The following RETREG3 variants were observed in gnomAD, a reference collection of about 807,000 sequenced individuals.
RETREG3 encodes the protein reticulophagy regulator family member 3.
A neutral mutation model predicts 50.2 loss-of-function variants in RETREG3; 23 were observed. The ratio of observed to expected loss-of-function variants is 0.46; its 90% confidence interval spans 0.33 to 0.65. The LOEUF (loss-of-function observed/expected upper bound fraction) is 0.65. Ranked by LOEUF, RETREG3 falls within the 30% of genes least tolerant of loss-of-function variation. The pLI, the probability that RETREG3 is intolerant of heterozygous loss-of-function variation, is 0.02. For missense variants in RETREG3, 546 were observed against 598.0 expected (o/e 0.91, Z 0.91); for synonymous variants, 240 against 234.4 (o/e 1.02, Z -0.22).
At position 42,581,048 on chromosome 17, in the gene RETREG3, A is replaced by AAAAG. The variant is rs1555628228; in HGVS notation, c.*764_*765insCTTT. The stretch of plus-strand genomic sequence containing the variant: ...AGAGAGACTCTGTCTCAAAAAAAAA[A>AAAAG]AAAAGAAAAGAAAAGAAAAGAAAAA... On this transcript the variant is annotated 3_prime_UTR_variant, in exon 9 of 9. Coordinates refer to ENST00000309428, the MANE Select transcript of RETREG3 (RefSeq NM_178126.4). 0.013 allele frequency: 1,498 copies of AAAAG among 117,876 alleles called. 40 individuals are homozygous for AAAAG. Among genetic ancestry groups the AAAAG allele is most frequent in the African/African-American group, 0.047 (1,412 of 30,312 alleles). The allele number at this position is 117,876 out of a possible 1,614,324, so 7.3% of individuals were successfully genotyped here.
chr17:42,596,449 G>T (rs1325055974), intron 1 of RETREG3: 1 of 141,210 alleles, frequency 7.1e-6, no homozygotes, highest in Non-Finnish European at 1.5e-5. Context: ...TTATCTGCTT[G>T]TGAGTTTTTT....
Position 42,582,192 on chromosome 17 carries a change from G to C in RETREG3, c.1022C>G (p.Ala341Gly). 1 of 1,613,856 alleles carries C rather than the reference G, an allele frequency of 6.2e-7. No individual in the cohort carries two copies. The highest frequency in any genetic ancestry group is 1.3e-5 in the African/African-American group (1 of 75,020). ...PDFPSINMDP[A>G]GLDDEDDTSI... The stretch of plus-strand genomic sequence containing the variant: ...AGTGTCGTCCTCATCATCCAGGCCA[G>C]CAGGATCCATATTAATGGAAGGGAA... The change falls in exon 9 of 9, where the codon GCT becomes GGT. Residue 341 changes from alanine to glycine, a missense_variant. Physicochemically the swap from Ala to Gly is moderately conservative, Grantham distance 60. Transcript: ENST00000309428.
chr17:42,605,069 A>C (rs1395507166), intron 1 of RETREG3, among the ~76,000 whole-genome samples: 1 of 151,886 alleles, frequency 6.6e-6, no homozygotes, highest in East Asian at 1.9e-4. Context: ...TATGGCCACC[A>C]TAAATTCTCT....
At chr17:42,601,748 T>C (rs985014823) in intron 1 of RETREG3, among the ~76,000 whole-genome samples, 3 of 142,668 alleles carry the variant, frequency 2.1e-5, no homozygotes, top group Non-Finnish European at 4.5e-5. Context: ...TTCTCCTGCC[T>C]CAGCCTCCCA....
chr17:42,606,186 T>A (rs1467244455), intron 1 of RETREG3, among the ~76,000 whole-genome samples: 1 of 152,038 alleles, frequency 6.6e-6, no homozygotes, highest in African/African-American at 2.4e-5. Context: ...GGGTTCTAAG[T>A]GAGCCTCTAA....
At chr17:42,596,271 C>T (rs1056816553) in intron 1 of RETREG3, among the ~76,000 whole-genome samples, 1 of 141,588 alleles carries the variant, frequency 7.1e-6, no homozygotes, top group Non-Finnish European at 1.5e-5. Context: ...ACTCAGGAGG[C>T]TTGCTTGAGC....
intron 1 of RETREG3, among the ~76,000 whole-genome samples, chr17:42,594,795 G>A (rs944161387): frequency 6.6e-6 from 1 of 151,766 alleles, no homozygotes; most frequent in African/African-American, 2.4e-5. Flanking sequence ...AGCTTGCAGT[G>A]AGCTGAGATT....
chr17:42,581,629 C>G lies in RETREG3; in HGVS notation c.*184G>C, dbSNP rs921431335. On this transcript the variant is annotated 3_prime_UTR_variant, in exon 9 of 9. Coordinates refer to ENST00000309428, the MANE Select transcript of RETREG3 (RefSeq NM_178126.4). ...TTCAGTGACTGAGCTCAGAAATGGG[C>G]ATCCAGCTGGTGGGAGGGGAGTGAG... 5.3e-6 allele frequency: 3 copies of G among 564,190 alleles called. No homozygotes were observed. The East Asian group carries it at 8.8e-5, about 17-fold the overall frequency. 34.9% of individuals were successfully genotyped at this position (564,190 alleles called of 1,614,324 possible).
intron 1 of RETREG3, among the ~76,000 whole-genome samples, chr17:42,597,521 GTGTATATA>G: frequency 1.5e-5 from 1 of 65,278 alleles, no homozygotes; most frequent in African/African-American, 5.6e-5. Context: ...GTGTGTGTGT[GTGTATATA>G]TATATATATA....
At chr17:42,594,193 A>G (rs2143398138) in intron 1 of RETREG3, among the ~76,000 whole-genome samples, 1 of 152,152 alleles carries the variant, frequency 6.6e-6, no homozygotes, top group African/African-American at 2.4e-5. Context: ...CTGGTCTCAA[A>G]AAAACAAATA....
intron 4 of RETREG3, 63 bp from the exon 5 acceptor site, chr17:42,586,200 AG>A: frequency 6.7e-7 from 1 of 1,494,292 alleles, no homozygotes; most frequent in Non-Finnish European, 9.3e-7. Context: ...GTGGGTGTGA[AG>A]GGTTAGGGTA....
intron 5 of RETREG3, 69 bp downstream of exon 5, chr17:42,585,984 T>A: frequency 6.9e-7 from 1 of 1,441,870 alleles, no homozygotes; most frequent in South Asian, 1.1e-5. Context: ...TCCCCACACC[T>A]AGAGTTAGCC....
In RETREG3 at chr17:42,586,241, A is replaced by C. The variant is rs2093121050; in HGVS notation, c.505-104T>G. On this transcript the variant is annotated intron_variant, in intron 4 of 8. Transcript: ENST00000309428. ...TATGACAGAAAGACTCTGTAAGTCA[A>C]GCATGGACGTGCAGCCACTGTTGCA... is the stretch of plus-strand genomic sequence containing the variant. 2.6e-5 allele frequency: 27 copies of C among 1,031,892 alleles called. 1 individual carries two copies. In the South Asian group the frequency reaches 3.1e-4, roughly 12 times the overall value. The allele number at this position is 1,031,892 out of a possible 1,614,324, so 63.9% of individuals were successfully genotyped here. A position where few individuals can be genotyped will look rare whatever the true frequency, so the allele number is the denominator to read the frequency against.
At chr17:42,608,895 G>A (rs906651045) in intron 1 of RETREG3, 191 bp downstream of exon 1, 6 of 599,758 alleles carry the variant, frequency 1.0e-5, no homozygotes, top group Non-Finnish European at 1.7e-5. Context: ...GAGAAGATGG[G>A]TGGACGGCCC....
intron 8 of RETREG3, 91 bp downstream of exon 8, chr17:42,582,581 GGA>G (rs1234618308): frequency 6.5e-7 from 1 of 1,546,484 alleles, no homozygotes; most frequent in Non-Finnish European, 8.8e-7. Context: ...TCAGAAAACA[GGA>G]GAGGGGCAAG....
chr17:42,608,909 GAAGAA>G (rs895155114), intron 1 of RETREG3, 172 bp downstream of exon 1: 5 of 631,518 alleles, frequency 7.9e-6, no homozygotes, highest in African/African-American at 1.8e-5. Flanking sequence ...ACGGCCCTGG[GAAGAA>G]CTAGGGTGCC....
At chr17:42,597,950 A>T (rs1359472334) in intron 1 of RETREG3, among the ~76,000 whole-genome samples, 1 of 144,378 alleles carries the variant, frequency 6.9e-6, no homozygotes, top group Non-Finnish European at 1.5e-5. Flanking sequence ...ATTTTATACC[A>T]CAAAGAAAAC....
At position 42,595,785 on chromosome 17, in the gene RETREG3, T is replaced by C. The variant is rs547113453; in HGVS notation, c.240-3623A>G. On this transcript the variant is annotated intron_variant, in intron 1 of 8. Coordinates refer to ENST00000309428, the MANE Select transcript of RETREG3 (RefSeq NM_178126.4). ...CCAGATTCAAGAGATTGATTCTCCC[T>C]GCCTCAGCGCGCTGAGGCAGGAGGA... 2.7e-5 allele frequency among the ~76,000 whole-genome samples: 4 copies of C among 150,314 alleles called. No homozygotes were observed. In the East Asian group the frequency reaches 7.9e-4, roughly 30 times the overall value.
chr17:42,582,780 T>C lies in RETREG3; in HGVS notation c.837A>G (p.Glu279=). The part of the protein sequence containing the change: ...PQLDDSTVAR[E]LAITDSEHSD... ...AGTGCTCAGAGTCTGTGATGGCCAA[T>C]TCCCTGGCAACAGTAGAATCGTCCA... The change falls in exon 8 of 9, where the codon GAA becomes GAG. Residue 279 remains glutamate, a synonymous_variant. Transcript: ENST00000309428. 5 of 1,614,194 alleles carry C rather than the reference T, an allele frequency of 3.1e-6. No homozygotes were observed. The highest frequency in any genetic ancestry group is 4.2e-6 in the Non-Finnish European group (5 of 1,180,034).
Sources: gnomAD v4.1 joint callset for allele counts (sites outside exome capture counted in the v4.1 genomes callset) on GRCh38, gnomAD v4.1.1 for gene constraint, MANE v1.5 for transcripts, NCBI Gene and HGNC (gene_info 2026-07-23, HGNC 2026-07-21) for gene names.